RIMS2: variants seen among roughly 807,000 people sequenced by gnomAD.
The protein encoded by RIMS2 is regulating synaptic membrane exocytosis protein 2.
A neutral mutation model predicts 174.4 loss-of-function variants in RIMS2; 59 were observed. The ratio of observed to expected loss-of-function variants is 0.34; its 90% CI spans 0.27 to 0.42. The LOEUF (loss-of-function observed/expected upper bound fraction) is 0.42. Among genes scored for constraint, RIMS2 ranks in the 10% least tolerant of loss-of-function variants. The pLI, the probability that RIMS2 is intolerant of heterozygous loss-of-function variation, is 1.00. For missense variants in RIMS2, 1,620 were observed against 1,666.3 expected, an observed-to-expected ratio of 0.97 and a Z score of 0.48; for synonymous variants, 606 against 572.5, an observed-to-expected ratio of 1.06 and a Z score of -0.84.
At chr8:103,678,828 T>C (rs1416625442) in intron 1 of RIMS2, among the ~76,000 whole-genome samples, 2 of 152,080 alleles carry the variant, frequency 1.3e-5, no homozygotes, top group East Asian at 3.8e-4. Context: ...TGGGGGTGGA[T>C]CACAAGTTAA....
chr8:103,706,626 T>C (rs1481589715), intron 2 of RIMS2, among the ~76,000 whole-genome samples: 1 of 152,166 alleles, frequency 6.6e-6, no homozygotes, highest in Non-Finnish European at 1.5e-5. Context: ...CACTTCCTCT[T>C]GGCTGCTACA....
chr8:103,901,202 A>C (rs58139259), intron 4 of RIMS2, among the ~76,000 whole-genome samples: 21,021 of 152,102 alleles, frequency 0.14, 1,653 homozygotes, highest in Middle Eastern at 0.24. Flanking sequence ...AGGAAAGCCA[A>C]CACTGGTATT....
chr8:103,885,216 C>A, intron 3 of RIMS2, 82 bp from the exon 7 acceptor site: 1 of 1,450,814 alleles, frequency 6.9e-7, no homozygotes, highest in South Asian at 1.5e-5. Context: ...CTTAGTTATC[C>A]ATCAACCTGC....
At chr8:103,916,389 T>C (rs2076637969) in intron 7 of RIMS2, 25 bp from the exon 11 acceptor site, 2 of 1,559,680 alleles carry the variant, frequency 1.3e-6, no homozygotes, top group East Asian at 4.5e-5. Context: ...CTGTATAAGA[T>C]TATTATTACT....
In RIMS2 at chr8:103,652,243, T is replaced by C. The variant is rs746825590; in HGVS notation, c.177-44843T>C. The C allele has an allele frequency of 1.1e-5, 15 of 1,345,508 alleles. No homozygotes were observed. The highest frequency in any genetic ancestry group is 1.5e-5 in the Non-Finnish European group (15 of 1,016,036). The allele number at this position is 1,345,508 out of a possible 1,614,324, so 83.3% of individuals were successfully genotyped here. On this transcript the variant is annotated intron_variant, in intron 1 of 23. Coordinates refer to ENST00000504942, the Ensembl canonical transcript of RIMS2. ...CACAAACCACAACTGACACAGTAAG[T>C]AAATGTATTAAGAGTGTAGTAGGCT...
intron 1 of RIMS2, among the ~76,000 whole-genome samples, chr8:103,623,475 TCA>T (rs1429207530): frequency 7.4e-6 from 1 of 134,714 alleles, no homozygotes; most frequent in Non-Finnish European, 1.6e-5. Context: ...TAGGGTTTCT[TCA>T]GTTTTTTTTT....
intron 14 of RIMS2, among the ~76,000 whole-genome samples, chr8:103,954,029 G>A (rs1289085551): frequency 6.6e-6 from 1 of 152,090 alleles, no homozygotes; most frequent in Non-Finnish European, 1.5e-5. Context: ...AATGGTAAAG[G>A]GTTCAATGCA....
chr8:103,885,193 G>C, intron 3 of RIMS2, 105 bp from the exon 7 acceptor site: 1 of 1,422,908 alleles, frequency 7.0e-7, no homozygotes, highest in Non-Finnish European at 9.2e-7. Flanking sequence ...ATTTTAAAAA[G>C]GCAAAAGGAC....
In RIMS2 at chr8:104,105,489, A is replaced by T. The variant is rs557790903; in HGVS notation, c.3334+90874A>T. On this transcript the variant is annotated intron_variant, in intron 19 of 23. Coordinates refer to ENST00000504942, the Ensembl canonical transcript of RIMS2. ...TTGGTGTCACCACACTTTCAGGGTGATCATTTCTACTAACTGATATTATTT... is the reference window on the plus strand; with the variant it reads ...TTGGTGTCACCACACTTTCAGGGTGTTCATTTCTACTAACTGATATTATTT... 3.0e-4 allele frequency among the ~76,000 whole-genome samples: 46 copies of T among 152,262 alleles called. No homozygotes were observed. The South Asian group carries it at 9.5e-3, about 32-fold the overall frequency.
chr8:104,055,555 A>G (rs2096854783), intron 19 of RIMS2, among the ~76,000 whole-genome samples: 1 of 152,174 alleles, frequency 6.6e-6, no homozygotes. Context: ...TTCAATAACC[A>G]TTATATTTCT....
intron 19 of RIMS2, among the ~76,000 whole-genome samples, chr8:104,131,898 C>T (rs1248523512): frequency 6.6e-6 from 1 of 151,930 alleles, no homozygotes; most frequent in Non-Finnish European, 1.5e-5. Flanking sequence ...ATAATACAAG[C>T]ACTATAGAAT....
intron 19 of RIMS2, among the ~76,000 whole-genome samples, chr8:104,163,070 T>C (rs2098773526): frequency 6.6e-6 from 1 of 152,148 alleles, no homozygotes; most frequent in African/African-American, 2.4e-5. Flanking sequence ...GGAGCAATGA[T>C]ATCAGGAGTA....
At chr8:103,916,332 AT>A (rs2076628774) in intron 7 of RIMS2, 81 bp from the exon 11 acceptor site, 1 of 959,614 alleles carries the variant, frequency 1.0e-6, no homozygotes, top group Admixed American at 2.3e-5. Context: ...TATGGAGTTT[AT>A]TGAAGTTTAA....
intron 19 of RIMS2, among the ~76,000 whole-genome samples, chr8:104,123,754 G>A (rs1033667756): frequency 2.6e-5 from 4 of 151,820 alleles, no homozygotes; most frequent in Admixed American, 2.0e-4. Flanking sequence ...AAATGCAAAT[G>A]GGCAAATGTT....
At chr8:103,744,195 G>A (rs13255888) in intron 2 of RIMS2, among the ~76,000 whole-genome samples, 17,613 of 151,994 alleles carry the variant, frequency 0.12, 1,349 homozygotes, top group Non-Finnish European at 0.17. Context: ...ACAGGCATGC[G>A]CCACCACGCC....
chr8:104,135,716 A>G (rs959655490), intron 19 of RIMS2, among the ~76,000 whole-genome samples: 2 of 151,636 alleles, frequency 1.3e-5, no homozygotes, highest in Non-Finnish European at 2.9e-5. Context: ...TGGATGTCTT[A>G]TGAGGAGGGA....
intron 1 of RIMS2, among the ~76,000 whole-genome samples, chr8:103,609,575 T>G (rs1447057064): frequency 6.6e-6 from 1 of 152,180 alleles, no homozygotes; most frequent in African/African-American, 2.4e-5. Flanking sequence ...CTGCAAACAC[T>G]ATAGTCAGTT....
At chr8:104,042,161 T>C (rs1041760047) in intron 19 of RIMS2, among the ~76,000 whole-genome samples, 3 of 151,484 alleles carry the variant, frequency 2.0e-5, no homozygotes, top group African/African-American at 7.3e-5. Context: ...ATGATTCCTT[T>C]CCCCTGGGGA....
At chr8:103,645,038 C>T (rs1166821586) in intron 1 of RIMS2, among the ~76,000 whole-genome samples, 1 of 151,900 alleles carries the variant, frequency 6.6e-6, no homozygotes, top group Non-Finnish European at 1.5e-5. Flanking sequence ...AATTGTTCTT[C>T]ATTTTAATGA....
Sources: gnomAD v4.1 joint callset for allele counts (sites outside exome capture counted in the v4.1 genomes callset) on GRCh38, gnomAD v4.1.1 for gene constraint, MANE v1.5 for transcripts, NCBI Gene and HGNC (gene_info 2026-07-23, HGNC 2026-07-21) for gene names.